Variants in PPM1A observed in about 807,000 individuals in gnomAD.
PPM1A encodes the protein protein phosphatase, Mg2+/Mn2+ dependent 1A.
Under a neutral mutation model 35.0 loss-of-function variants are expected in PPM1A, and 7 were observed. That is an observed-to-expected ratio of 0.20 (90% CI 0.11 to 0.38). PPM1A has a LOEUF of 0.38. Ranked by LOEUF, PPM1A falls within the 10% of genes least tolerant of loss-of-function variation. The pLI is 1.00. For missense variants in PPM1A, 239 were observed against 467.8 expected, an observed-to-expected ratio of 0.51 and a Z score of 4.51; for synonymous variants, 153 against 167.3, an observed-to-expected ratio of 0.91 and a Z score of 0.66.
At chr14:60,287,100 A>C (rs1310929460) in intron 3 of PPM1A, 1 of 948,922 alleles carries the variant, frequency 1.1e-6, no homozygotes, top group African/African-American at 1.8e-5. Context: ...ATGTTTTCTT[A>C]TTGGTTTAAA....
intron 1 of PPM1A, among the ~76,000 whole-genome samples, chr14:60,258,396 G>A (rs1181914889): frequency 6.6e-6 from 1 of 152,070 alleles, no homozygotes; most frequent in Non-Finnish European, 1.5e-5. Flanking sequence ...GAATGAATGA[G>A]CAGATTAATA....
upstream of PPM1A, among the ~76,000 whole-genome samples, chr14:60,248,125 T>A (rs1431888769): frequency 6.6e-6 from 1 of 152,236 alleles, no homozygotes; most frequent in Admixed American, 6.5e-5. Flanking sequence ...AGGCTGCGAT[T>A]CATTGGCTGC....
chr14:60,246,598 T>A, upstream of PPM1A, among the ~76,000 whole-genome samples: 1 of 152,196 alleles, frequency 6.6e-6, no homozygotes, highest in East Asian at 1.9e-4. Flanking sequence ...GTCTTACAGT[T>A]CAGAAGAGAA....
In PPM1A at chr14:60,285,253, A is replaced by G. The variant is rs546069942; in HGVS notation, c.835-371A>G. Reference sequence around the variant, plus strand: ...CCACTAAAATTTTCTGTCATGTTGTATGGAAGGAGTGTGTGTACACATGTA... The same window carrying G: ...CCACTAAAATTTTCTGTCATGTTGTGTGGAAGGAGTGTGTGTACACATGTA... On this transcript the variant is annotated intron_variant, in intron 2 of 5. Transcript: ENST00000395076. Among the ~76,000 whole-genome samples the G allele has an allele frequency of 2.0e-5, 3 of 152,364 alleles. No individual in the cohort carries two copies. The South Asian group carries it at 6.2e-4, about 32-fold the overall frequency.
rs1017540021 is a variant in PPM1A at position 60,249,478 on chromosome 14, G to A, written c.-220G>A. On this transcript the variant is annotated 5_prime_UTR_variant, in exon 1 of 6. Coordinates refer to ENST00000395076, the MANE Select transcript of PPM1A (RefSeq NM_021003.5). The surrounding 1 kb of genome is among the most constrained non-coding windows in gnomAD (Gnocchi z 4.5). ...CTCCAACGCCCGGATGATCTGAGCC[G>A]CGAGGGCGCCGACAGCCGGGGGCCC... 26 of 985,356 alleles carry A rather than the reference G, an allele frequency of 2.6e-5. No individual in the cohort carries two copies. The highest frequency in any genetic ancestry group is 1.0e-3 in the Middle Eastern group (2 of 1,942). 61.0% of individuals were successfully genotyped at this position (985,356 alleles called of 1,614,324 possible). A position where few individuals can be genotyped will look rare whatever the true frequency, so the allele number is the denominator to read the frequency against.
rs765390281 is a variant in PPM1A, at chr14:60,292,528, G to A, written c.*46G>A. The A allele has an allele frequency of 1.2e-5, 19 of 1,520,572 alleles. No individual in the cohort carries two copies. The highest frequency in any genetic ancestry group is 1.7e-5 in the Non-Finnish European group (19 of 1,100,408). 94.2% of individuals were successfully genotyped at this position (1,520,572 alleles called of 1,614,324 possible). On this transcript the variant is annotated 3_prime_UTR_variant, in exon 6 of 6. Transcript: ENST00000395076. The surrounding 1 kb of genome is among the most constrained non-coding windows in gnomAD (Gnocchi z 4.2). ...AGTTTACCTTCACCTCCAAAGGAGA[G>A]TACAGCTCAACTTTGTTGAAACTTT...
chr14:60,296,546 T>C lies in PPM1A; in HGVS notation c.*4064T>C. 3.2e-6 allele frequency: 1 copy of C among 312,048 alleles called. No individual in the cohort carries two copies. The allele number at this position is 312,048 out of a possible 1,614,324, so 19.3% of individuals were successfully genotyped here. Reference sequence around the variant, plus strand: ...GTGAGATTACCATTTTTTGAGTATCTAGTCTTCTAGTTTTTCTTTTAGGCA... The same window carrying C: ...GTGAGATTACCATTTTTTGAGTATCCAGTCTTCTAGTTTTTCTTTTAGGCA... On this transcript the variant is annotated 3_prime_UTR_variant, in exon 6 of 6. Transcript: ENST00000395076. This position sits in a 1 kb window ranked among gnomAD's most constrained non-coding sequence, Gnocchi z 4.4.
chr14:60,252,910 C>T (rs1882612677), intron 1 of PPM1A, among the ~76,000 whole-genome samples: 1 of 152,086 alleles, frequency 6.6e-6, no homozygotes, highest in African/African-American at 2.4e-5. Flanking sequence ...ATCTCGTTAC[C>T]AGGCTTTTCT....
At chr14:60,290,016 G>C in intron 4 of PPM1A, 102 bp downstream of exon 4, 1 of 748,666 alleles carries the variant, frequency 1.3e-6, no homozygotes, top group Non-Finnish European at 2.1e-6. Flanking sequence ...AACTGATGCA[G>C]TTATCTGTGT....
intron 1 of PPM1A, among the ~76,000 whole-genome samples, chr14:60,270,412 T>C (rs1884943149): frequency 1.3e-5 from 2 of 152,128 alleles, no homozygotes; most frequent in African/African-American, 4.8e-5. Flanking sequence ...TCTTGAGTAC[T>C]TTTTTAGTTA....
rs1882060114 is a variant in PPM1A, at chr14:60,249,531, C to T, written c.-167C>T. 6 of 985,126 alleles carry T rather than the reference C, an allele frequency of 6.1e-6. No homozygotes were observed. The highest frequency in any genetic ancestry group is 4.6e-5 in the South Asian group (1 of 21,886). The allele number at this position is 985,126 out of a possible 1,614,324, so 61.0% of individuals were successfully genotyped here. On this transcript the variant is annotated 5_prime_UTR_variant, in exon 1 of 6. Transcript: ENST00000395076. The surrounding 1 kb of genome is among the most constrained non-coding windows in gnomAD (Gnocchi z 4.5). ...ACGCAGCCCGGCTCCTCCCCTCCTC[C>T]GCCCCTTCCCCAGCCTGACCTGGCC...
chr14:60,253,478 T>C lies in PPM1A; in HGVS notation c.-21+3801T>C, dbSNP rs191367900. 7.2e-5 allele frequency among the ~76,000 whole-genome samples: 11 copies of C among 152,234 alleles called. No individual in the cohort carries two copies. In the East Asian group the frequency reaches 1.7e-3, roughly 24 times the overall value. The stretch of plus-strand genomic sequence containing the variant: ...AGATATAAAAGTATTTTTCAAGATA[T>C]TACTGAGTGGATTTTTCCCAATTAG... On this transcript the variant is annotated intron_variant, in intron 1 of 5. Transcript: ENST00000395076.
chr14:60,249,187 C>G (rs1254052688), upstream of PPM1A: 17 of 974,046 alleles, frequency 1.7e-5, no homozygotes, highest in Non-Finnish European at 2.1e-5. This position sits in a 1 kb window ranked among gnomAD's most constrained non-coding sequence, Gnocchi z 4.5. Flanking sequence ...GGAGGGGCGA[C>G]GCGGTCGTGA....
intron 1 of PPM1A, among the ~76,000 whole-genome samples, chr14:60,253,156 C>A (rs1882644753): frequency 6.6e-6 from 1 of 151,932 alleles, no homozygotes; most frequent in African/African-American, 2.4e-5. Flanking sequence ...TTTTATAATT[C>A]TTAATATGTT....
intron 1 of PPM1A, among the ~76,000 whole-genome samples, chr14:60,257,028 A>G (rs914518558): frequency 2.0e-5 from 3 of 152,232 alleles, no homozygotes; most frequent in Non-Finnish European, 4.4e-5. Flanking sequence ...AGCTCCCTTT[A>G]GAAATTTTCC....
intron 3 of PPM1A, chr14:60,286,916 T>A (rs1312104589): frequency 2.1e-6 from 2 of 930,364 alleles, no homozygotes; most frequent in Admixed American, 1.2e-4. Flanking sequence ...TTTTTATATT[T>A]TAAATTAATC....
chr14:60,255,333 G>A (rs1434754408), intron 1 of PPM1A, among the ~76,000 whole-genome samples: 4 of 150,580 alleles, frequency 2.7e-5, no homozygotes, highest in East Asian at 1.9e-4. Context: ...TACCACGCCC[G>A]GCTAATTTTT....
chr14:60,283,231 G>C lies in PPM1A; in HGVS notation c.528G>C (p.Gln176His). Residue 176 changes from glutamine (Q) to histidine (H), a missense_variant, in exon 2 of 6, where the codon CAG becomes CAC. By Grantham distance (24) the Gln-to-His change is conservative. Transcript: ENST00000395076. This position sits in a 1 kb window ranked among gnomAD's most constrained non-coding sequence, Gnocchi z 6.3. ...ATCCGCTGGAGAAAGAACGAATTCA[G>C]AATGCAGGTGGCTCTGTAATGATTC... is the stretch of plus-strand genomic sequence containing the variant. ...PSNPLEKERI[Q>H]NAGGSVMIQR... 6.2e-7 allele frequency: 1 copy of C among 1,614,218 alleles called. No homozygotes were observed. The highest frequency in any genetic ancestry group is 8.5e-7 in the Non-Finnish European group (1 of 1,180,044).
At chr14:60,281,153 A>G (rs997052634) in intron 1 of PPM1A, among the ~76,000 whole-genome samples, 1 of 152,348 alleles carries the variant, frequency 6.6e-6, no homozygotes. Flanking sequence ...TGTCATTATT[A>G]CGTTATCCTT....
Sources: allele counts gnomAD v4.1 joint callset (sites outside exome capture counted in the v4.1 genomes callset), GRCh38; gene constraint gnomAD v4.1.1; non-coding constraint Gnocchi (gnomAD v3.1); transcripts MANE v1.5; gene names NCBI Gene and HGNC (gene_info 2026-07-23, HGNC 2026-07-21).